Variants in FANCM observed in about 807,000 individuals in gnomAD.
FANCM encodes FA complementation group M.
A neutral mutation model predicts 199.5 loss-of-function variants in FANCM; 140 were observed. That is an observed-to-expected ratio of 0.70 (90% confidence interval 0.61 to 0.81). The LOEUF (loss-of-function observed/expected upper bound fraction) is 0.81, where lower values mean the gene tolerates loss of function less well. FANCM is among the 30% of genes least tolerant of loss of function. The pLI is 0.00. For missense variants in FANCM, 2,410 were observed against 2,421.4 expected (o/e 1.00, Z 0.10); for synonymous variants, 840 against 836.8 (o/e 1.00, Z -0.07).
At chr14:45,146,537 C>T (rs1238297324) in intron 3 of FANCM, among the ~76,000 whole-genome samples, 1 of 151,810 alleles carries the variant, frequency 6.6e-6, no homozygotes, top group Admixed American at 6.6e-5. Context: ...TCTCCCTGAC[C>T]TCGTTTAAAC....
At chr14:45,146,460 G>A (rs1353781824) in intron 3 of FANCM, among the ~76,000 whole-genome samples, 1 of 151,984 alleles carries the variant, frequency 6.6e-6, no homozygotes, top group South Asian at 2.1e-4. Context: ...ACTCTTGCAA[G>A]CTGCAAGACT....
chr14:45,167,382 A>T (rs578070379), intron 11 of FANCM: 2 of 527,698 alleles, frequency 3.8e-6, no homozygotes, highest in African/African-American at 3.8e-5. Flanking sequence ...GGAAAATTAA[A>T]CATACCCTAC....
chr14:45,187,753 A>C (rs2139291691), intron 18 of FANCM, 28 bp from the exon 19 acceptor site: 1 of 1,110,206 alleles, frequency 9.0e-7, no homozygotes, highest in Non-Finnish European at 1.4e-6. Context: ...AATTTTGCTA[A>C]TTTATCTAAA....
At position 45,149,091 on chromosome 14, in the gene FANCM, T is replaced by C. The variant is rs537477278; in HGVS notation, c.918+96T>C. On this transcript the variant is annotated intron_variant, in intron 4 of 22. Coordinates refer to ENST00000267430, the MANE Select transcript of FANCM (RefSeq NM_020937.4). ...TTTGGATGTGATAATATAGTTATCTTATTTTTATATAATTGATATGTTGAA... is the reference window on the plus strand; with the variant it reads ...TTTGGATGTGATAATATAGTTATCTCATTTTTATATAATTGATATGTTGAA... 1.0e-3 allele frequency: 1,032 copies of C among 1,022,482 alleles called. 3 individuals are homozygous for C. The highest frequency in any genetic ancestry group is 2.3e-3 in the Admixed American group (95 of 40,738). 63.3% of individuals were successfully genotyped at this position (1,022,482 alleles called of 1,614,324 possible).
chr14:45,167,434 A>G (rs1888064319), intron 11 of FANCM: 1 of 401,930 alleles, frequency 2.5e-6, no homozygotes, highest in Admixed American at 4.0e-5. Context: ...AAAAGAAAGA[A>G]AACAGTTTTA....
chr14:45,187,722 T>C (rs1483823902), intron 18 of FANCM, 59 bp from the exon 19 acceptor site: 3 of 789,340 alleles, frequency 3.8e-6, no homozygotes, highest in South Asian at 1.5e-5. Flanking sequence ...AGTTAAATAC[T>C]TTACTGGTTT....
At chr14:45,162,858 T>C (rs1413601979) in intron 9 of FANCM, among the ~76,000 whole-genome samples, 1 of 152,172 alleles carries the variant, frequency 6.6e-6, no homozygotes, top group Non-Finnish European at 1.5e-5. Context: ...TATCTAGCAC[T>C]GTGGCCTTTT....
chr14:45,148,581 T>C (rs767264767), intron 3 of FANCM, among the ~76,000 whole-genome samples: 4 of 152,230 alleles, frequency 2.6e-5, no homozygotes, highest in Non-Finnish European at 4.4e-5. Context: ...TTTGGACATT[T>C]ACAAATATTC....
At position 45,154,761 on chromosome 14, in the gene FANCM, A is replaced by G. The variant is rs775306085; in HGVS notation, c.1248A>G (p.Leu416=). The G allele has an allele frequency of 2.5e-6, 4 of 1,603,464 alleles. No homozygotes were observed. Among genetic ancestry groups the G allele is most frequent in the Non-Finnish European group, 2.6e-6 (3 of 1,171,732 alleles). Residue 416 remains leucine, a synonymous_variant, in exon 7 of 23, where the codon CTA becomes CTG. Transcript: ENST00000267430. ...ACTTCATGAAACTCTATAATCATCTAGAGTGTATGTTTGCACGTACACGTA... is the reference window on the plus strand; with the variant it reads ...ACTTCATGAAACTCTATAATCATCTGGAGTGTATGTTTGCACGTACACGTA... ...NEDFMKLYNH[L]ECMFARTRST...
rs1203353298 is a variant in FANCM, at chr14:45,164,575, G to C, written c.1788+10G>C. 1.3e-6 allele frequency: 2 copies of C among 1,595,932 alleles called. No homozygotes were observed. Among genetic ancestry groups the C allele is most frequent in the Non-Finnish European group, 1.7e-6 (2 of 1,168,340 alleles). On this transcript the variant is annotated intron_variant, in intron 10 of 22. Coordinates refer to ENST00000267430, the MANE Select transcript of FANCM (RefSeq NM_020937.4). ...AGGACGAGAGGAACGTGTAAGTAGAGCTGCAGAAACACAATTTGACACTTG... is the reference window on the plus strand; with the variant it reads ...AGGACGAGAGGAACGTGTAAGTAGACCTGCAGAAACACAATTTGACACTTG...
Position 45,189,217 on chromosome 14 carries a change from A to C in FANCM, c.5195A>C (p.Lys1732Thr). The change falls in exon 20 of 23, where the codon AAA (lysine) becomes ACA (threonine). Residue 1732 changes from lysine (K) to threonine (T), a missense_variant. By Grantham distance (78) the Lys-to-Thr change is moderately conservative. Transcript: ENST00000267430. ...PRVNPLAKQS[K>T]QTSLNLKDTI... is the part of the protein sequence containing the mutation. ...GTTAATCCATTAGCAAAGCAGAGCA[A>C]ACAGACATCGCTGAATTTAAAGGAT... The C allele has an allele frequency of 6.2e-7, 1 of 1,614,168 alleles. No individual in the cohort carries two copies. The highest frequency in any genetic ancestry group is 1.3e-5 in the African/African-American group (1 of 75,066).
intron 2 of FANCM, 152 bp downstream of exon 2, chr14:45,137,393 T>C (rs1885599503): frequency 1.5e-6 from 1 of 653,186 alleles, no homozygotes; most frequent in Non-Finnish European, 2.7e-6. Flanking sequence ...AAAGAATATC[T>C]GTACTTTCTG....
At chr14:45,173,344 T>C (rs188100454) in intron 13 of FANCM, 134 bp downstream of exon 13, 1 of 776,534 alleles carries the variant, frequency 1.3e-6, no homozygotes, top group South Asian at 1.6e-5. Context: ...CAGTAAAGAA[T>C]GAGTTTTCTG....
chr14:45,189,445 A>G (rs1185946387), intron 20 of FANCM, 83 bp downstream of exon 20: 1 of 1,110,980 alleles, frequency 9.0e-7, no homozygotes, highest in Non-Finnish European at 1.3e-6. Flanking sequence ...GTTTTGTATT[A>G]AATAACTAGG....
intron 14 of FANCM, among the ~76,000 whole-genome samples, chr14:45,177,557 A>G (rs1025609381): frequency 6.6e-6 from 1 of 152,020 alleles, no homozygotes; most frequent in Admixed American, 6.6e-5. Flanking sequence ...ATGCCCGGCT[A>G]AGTTTTGTAT....
Position 45,175,120 on chromosome 14 carries a change from A to T in FANCM, c.2366A>T (p.Asp789Val). 6.2e-7 allele frequency: 1 copy of T among 1,612,380 alleles called. No homozygotes were observed. Among genetic ancestry groups the T allele is most frequent in the Non-Finnish European group, 8.5e-7 (1 of 1,178,950 alleles). ...GTTGAATCTTATTTACAAATGGAAG[A>T]TGTTACCTCAACATTTATTGCTCCC... is the stretch of plus-strand genomic sequence containing the variant. ...LEVESYLQMEDVTSTFIAPRN... is the reference protein window; with the variant it reads ...LEVESYLQMEVVTSTFIAPRN... The change falls in exon 14 of 23, where the codon GAT becomes GTT. Residue 789 changes from aspartate to valine, a missense_variant. Transcript: ENST00000267430.
intron 12 of FANCM, among the ~76,000 whole-genome samples, chr14:45,172,523 T>C (rs912746260): frequency 1.3e-5 from 2 of 152,172 alleles, no homozygotes; most frequent in Non-Finnish European, 2.9e-5. Flanking sequence ...TTCCCCACTT[T>C]ATGTTTTTGT....
At chr14:45,174,044 G>T (rs1168920041) in intron 13 of FANCM, among the ~76,000 whole-genome samples, 1 of 152,108 alleles carries the variant, frequency 6.6e-6, no homozygotes, top group Non-Finnish European at 1.5e-5. Context: ...ATATATACTA[G>T]CAGGGAGACA....
At chr14:45,151,557 C>T (rs773074479) in intron 5 of FANCM, 29 bp downstream of exon 5, 2 of 1,592,982 alleles carry the variant, frequency 1.3e-6, no homozygotes, top group East Asian at 2.2e-5. Flanking sequence ...ATTTTGATGA[C>T]AGATTAAATT....
Sources: gnomAD v4.1 joint callset for allele counts (sites outside exome capture counted in the v4.1 genomes callset) on GRCh38, gnomAD v4.1.1 for gene constraint, MANE v1.5 for transcripts, NCBI Gene and HGNC (gene_info 2026-07-23, HGNC 2026-07-21) for gene names.